Variants in DLG2 observed in about 807,000 individuals in gnomAD.
DLG2 encodes discs large MAGUK scaffold protein 2, also known as disks large homolog 2.
Under a neutral mutation model 132.5 loss-of-function variants are expected in DLG2, and 45 were observed. That is an observed-to-expected ratio of 0.34 (90% confidence interval 0.27 to 0.44). DLG2 has a LOEUF of 0.44. Among genes scored for constraint, DLG2 ranks in the 20% least tolerant of loss-of-function variants. The pLI is 1.00. For synonymous variants in DLG2, 424 were observed against 419.6 expected (o/e 1.01, Z -0.13); for missense variants, 1,045 against 1,196.9 (o/e 0.87, Z 1.87).
chr11:83,968,521 T>C (rs141193701), intron 12 of DLG2, among the ~76,000 whole-genome samples: 177 of 152,334 alleles, frequency 1.2e-3, no homozygotes, highest in African/African-American at 3.8e-3. Flanking sequence ...ATATGATAAA[T>C]AATAAAAATG....
chr11:84,886,453 C>T (rs547541685), intron 6 of DLG2, among the ~76,000 whole-genome samples: 2 of 152,182 alleles, frequency 1.3e-5, no homozygotes, highest in South Asian at 2.1e-4. Context: ...AAGGGAGATT[C>T]CACATCCTGT....
At chr11:84,975,682 C>T (rs1267480371) in intron 6 of DLG2, among the ~76,000 whole-genome samples, 4 of 152,106 alleles carry the variant, frequency 2.6e-5, no homozygotes, top group Admixed American at 2.6e-4. Context: ...CTGCTACTCC[C>T]TATTAAGAAG....
At chr11:85,435,117 C>G in intron 3 of DLG2, among the ~76,000 whole-genome samples, 1 of 152,144 alleles carries the variant, frequency 6.6e-6, no homozygotes, top group South Asian at 2.1e-4. Flanking sequence ...ATTCAACATC[C>G]CTTCACATTA....
At chr11:84,912,189 GC>G (rs1402696959) in intron 6 of DLG2, among the ~76,000 whole-genome samples, 1 of 151,994 alleles carries the variant, frequency 6.6e-6, no homozygotes, top group Non-Finnish European at 1.5e-5. Flanking sequence ...TCACTCTGTC[GC>G]CCAGGCTGGA....
chr11:84,989,016 G>C (rs1414439838), intron 6 of DLG2, among the ~76,000 whole-genome samples: 2 of 151,828 alleles, frequency 1.3e-5, no homozygotes, highest in Non-Finnish European at 1.5e-5. Flanking sequence ...GAGGATACAA[G>C]ATAAACATAA....
intron 7 of DLG2, among the ~76,000 whole-genome samples, chr11:84,513,797 A>G (rs1478179484): frequency 5.9e-5 from 9 of 151,864 alleles, no homozygotes. Flanking sequence ...AAAATCTTGA[A>G]TAATACCCCT....
chr11:84,948,760 T>A (rs953625869), intron 6 of DLG2, among the ~76,000 whole-genome samples: 4 of 152,212 alleles, frequency 2.6e-5, no homozygotes, highest in Admixed American at 1.3e-4. Flanking sequence ...GCATGTCTGA[T>A]TGATTTGTGA....
intron 11 of DLG2, among the ~76,000 whole-genome samples, chr11:84,005,035 A>C (rs2094517095): frequency 6.6e-6 from 1 of 151,754 alleles, no homozygotes; most frequent in African/African-American, 2.4e-5. Context: ...CCCCAAAACC[A>C]AAAACAACAA....
intron 3 of DLG2, among the ~76,000 whole-genome samples, chr11:85,456,771 C>G (rs185209859): frequency 6.6e-6 from 1 of 152,000 alleles, no homozygotes; most frequent in Non-Finnish European, 1.5e-5. Flanking sequence ...TGTAATTTTA[C>G]GGTTTTGAGC....
At chr11:85,135,689 G>C (rs911887460) in intron 5 of DLG2, among the ~76,000 whole-genome samples, 1 of 152,126 alleles carries the variant, frequency 6.6e-6, no homozygotes, top group African/African-American at 2.4e-5. Flanking sequence ...GTGATTATTT[G>C]ATTAATGTCT....
intron 3 of DLG2, among the ~76,000 whole-genome samples, chr11:85,594,382 A>G (rs2079579804): frequency 6.6e-6 from 1 of 152,224 alleles, no homozygotes; most frequent in Admixed American, 6.5e-5. Flanking sequence ...AAACAAGATA[A>G]GCCCTTTTCT....
chr11:84,711,608 C>T (rs1007158166), intron 6 of DLG2, among the ~76,000 whole-genome samples: 22 of 151,866 alleles, frequency 1.4e-4, no homozygotes, highest in African/African-American at 5.1e-4. Flanking sequence ...CAAAAAGAGC[C>T]AATGCTTCAC....
At chr11:84,441,020 G>C (rs749391095) in intron 7 of DLG2, among the ~76,000 whole-genome samples, 1 of 152,054 alleles carries the variant, frequency 6.6e-6, no homozygotes, top group Non-Finnish European at 1.5e-5. Context: ...AATAACTATT[G>C]AGACATAAGT....
At chr11:84,096,550 A>G (rs1230259279) in intron 10 of DLG2, among the ~76,000 whole-genome samples, 1 of 152,162 alleles carries the variant, frequency 6.6e-6, no homozygotes, top group Non-Finnish European at 1.5e-5. Context: ...TTAGAGCCAG[A>G]ATTTGGTTAA....
At chr11:84,840,654 T>C (rs764658479) in intron 6 of DLG2, among the ~76,000 whole-genome samples, 4 of 152,134 alleles carry the variant, frequency 2.6e-5, no homozygotes, top group Non-Finnish European at 5.9e-5. Context: ...TGGAATACTA[T>C]GCAGCCATTA....
chr11:85,413,144 G>A (rs1226022394), intron 3 of DLG2, among the ~76,000 whole-genome samples: 1 of 151,836 alleles, frequency 6.6e-6, no homozygotes, highest in Non-Finnish European at 1.5e-5. Flanking sequence ...CTTTTGATTT[G>A]CATTTCCCTG....
intron 3 of DLG2, among the ~76,000 whole-genome samples, chr11:85,292,458 G>A (rs2078952467): frequency 6.6e-6 from 1 of 151,572 alleles, no homozygotes; most frequent in Admixed American, 6.6e-5. Context: ...GACAAAACAG[G>A]AATGAGTGCA....
chr11:84,863,685 TG>T (rs2084105433), intron 6 of DLG2, among the ~76,000 whole-genome samples: 1 of 152,100 alleles, frequency 6.6e-6, no homozygotes, highest in African/African-American at 2.4e-5. Context: ...GCTTAGACTC[TG>T]ATGAAGAGAT....
At chr11:83,585,704 G>T (rs564478338) in intron 19 of DLG2, among the ~76,000 whole-genome samples, 20 of 152,240 alleles carry the variant, frequency 1.3e-4, no homozygotes, top group African/African-American at 3.9e-4. Context: ...AATGAAAATG[G>T]TGACATTCTA....
Sources: allele counts gnomAD v4.1 joint callset (sites outside exome capture counted in the v4.1 genomes callset), GRCh38; gene constraint gnomAD v4.1.1; transcripts MANE v1.5; gene names NCBI Gene and HGNC (gene_info 2026-07-23, HGNC 2026-07-21).